The following CERS6 variants were observed in gnomAD, a reference collection of about 807,000 sequenced individuals.
The protein encoded by CERS6 is ceramide synthase 6, also known as LAG1 homolog, ceramide synthase 6.
A neutral mutation model predicts 56.8 loss-of-function variants in CERS6; 26 were observed. The ratio of observed to expected loss-of-function variants is 0.46; its 90% CI spans 0.34 to 0.63. The LOEUF (loss-of-function observed/expected upper bound fraction) is 0.63. Ranked by LOEUF, CERS6 falls within the 30% of genes least tolerant of loss-of-function variation. CERS6 has a pLI of 0.01. For missense variants in CERS6, 415 were observed against 467.5 expected, an observed-to-expected ratio of 0.89 and a Z score of 1.04; for synonymous variants, 164 against 173.3, an observed-to-expected ratio of 0.95 and a Z score of 0.42.
intron 3 of CERS6, among the ~76,000 whole-genome samples, chr2:168,605,582 G>A (rs961550034): frequency 2.0e-5 from 3 of 152,162 alleles, no homozygotes; most frequent in Non-Finnish European, 2.9e-5. Flanking sequence ...AGGCATTCAT[G>A]GCACCCCCTC....
intron 2 of CERS6, among the ~76,000 whole-genome samples, chr2:168,557,088 T>C (rs1310952961): frequency 6.6e-6 from 1 of 150,644 alleles, no homozygotes; most frequent in Non-Finnish European, 1.5e-5. Flanking sequence ...CACCTGAGCA[T>C]GGAGAGATCC....
At chr2:168,661,549 C>T (rs1685629220) in intron 4 of CERS6, among the ~76,000 whole-genome samples, 2 of 152,180 alleles carry the variant, frequency 1.3e-5, no homozygotes, top group African/African-American at 2.4e-5. Flanking sequence ...TTTATATTTC[C>T]TCCAGTGGTT....
chr2:168,523,081 G>A (rs1276499179), intron 1 of CERS6, among the ~76,000 whole-genome samples: 1 of 152,172 alleles, frequency 6.6e-6, no homozygotes, highest in Non-Finnish European at 1.5e-5. Flanking sequence ...TGATGATCTT[G>A]TATAACAGAA....
At chr2:168,504,825 G>C (rs1236487263) in intron 1 of CERS6, among the ~76,000 whole-genome samples, 1 of 152,150 alleles carries the variant, frequency 6.6e-6, no homozygotes, top group African/African-American at 2.4e-5. Flanking sequence ...ACCAGCCAAA[G>C]CTTCAGGATT....
At chr2:168,589,569 A>G (rs1427246228) in intron 3 of CERS6, among the ~76,000 whole-genome samples, 1 of 152,236 alleles carries the variant, frequency 6.6e-6, no homozygotes, top group Non-Finnish European at 1.5e-5. Flanking sequence ...ATGCCTTCTA[A>G]TTAATCTCTG....
intron 8 of CERS6, among the ~76,000 whole-genome samples, chr2:168,746,820 T>TAAAA (rs574474747): frequency 1.2e-5 from 1 of 80,048 alleles, no homozygotes; most frequent in African/African-American, 4.8e-5. Context: ...TATATATATA[T>TAAAA]AAAATCATCT....
chr2:168,463,746 A>G (rs1362779302), intron 1 of CERS6, among the ~76,000 whole-genome samples: 1 of 152,048 alleles, frequency 6.6e-6, no homozygotes, highest in Non-Finnish European at 1.5e-5. Flanking sequence ...CGTCTTTACA[A>G]AAAAATACAA....
intron 8 of CERS6, among the ~76,000 whole-genome samples, chr2:168,764,137 CTATTT>C (rs1684661363): frequency 6.6e-6 from 1 of 152,078 alleles, no homozygotes; most frequent in Admixed American, 6.6e-5. Context: ...TCATTGTTCT[CTATTT>C]TTTTTATTTT....
At chr2:168,688,177 A>AT (rs1686403380) in intron 4 of CERS6, among the ~76,000 whole-genome samples, 1 of 152,154 alleles carries the variant, frequency 6.6e-6, no homozygotes, top group Admixed American at 6.5e-5. Flanking sequence ...GTTTTAGTGT[A>AT]TTTTTAATCA....
chr2:168,508,364 A>G (rs957340988), intron 1 of CERS6, among the ~76,000 whole-genome samples: 2 of 152,196 alleles, frequency 1.3e-5, no homozygotes, highest in African/African-American at 2.4e-5. Flanking sequence ...AGGTTGGGTT[A>G]ATTGCATCCT....
At chr2:168,551,030 A>G (rs1695561810) in intron 2 of CERS6, among the ~76,000 whole-genome samples, 1 of 152,184 alleles carries the variant, frequency 6.6e-6, no homozygotes, top group South Asian at 2.1e-4. Flanking sequence ...AGCTCCTGGC[A>G]CATGCTCCTT....
At chr2:168,534,415 T>G (rs1208384396) in intron 1 of CERS6, among the ~76,000 whole-genome samples, 1 of 151,960 alleles carries the variant, frequency 6.6e-6, no homozygotes, top group Admixed American at 6.5e-5. Flanking sequence ...GGCTTTTTTT[T>G]TTTTTTAATT....
chr2:168,640,945 T>G (rs1356793564), intron 4 of CERS6, among the ~76,000 whole-genome samples: 1 of 152,128 alleles, frequency 6.6e-6, no homozygotes, highest in African/African-American at 2.4e-5. Flanking sequence ...CTTTCCATCT[T>G]CCTCCATATA....
At chr2:168,546,212 ATACT>A (rs1695463480) in intron 1 of CERS6, among the ~76,000 whole-genome samples, 1 of 152,226 alleles carries the variant, frequency 6.6e-6, no homozygotes, top group Non-Finnish European at 1.5e-5. Flanking sequence ...GGAAAAGGTT[ATACT>A]TACTGTCAAG....
intron 1 of CERS6, among the ~76,000 whole-genome samples, chr2:168,505,675 T>C (rs532494713): frequency 2.6e-5 from 4 of 152,238 alleles, no homozygotes; most frequent in African/African-American, 7.2e-5. Context: ...TGTTCAATTA[T>C]TAAAGATCAG....
chr2:168,644,039 T>TA (rs1685110879), intron 4 of CERS6: 1 of 953,912 alleles, frequency 1.0e-6, no homozygotes, highest in Admixed American at 6.2e-5. Context: ...TAAGAACTGA[T>TA]ATAGCATAAA....
At chr2:168,669,328 T>C (rs981060216) in intron 4 of CERS6, among the ~76,000 whole-genome samples, 1 of 152,236 alleles carries the variant, frequency 6.6e-6, no homozygotes, top group African/African-American at 2.4e-5. Context: ...AAGTCATCTC[T>C]TGTTAAACAG....
intron 1 of CERS6, among the ~76,000 whole-genome samples, chr2:168,484,010 C>T (rs1424430322): frequency 2.0e-5 from 3 of 152,056 alleles, no homozygotes; most frequent in African/African-American, 7.2e-5. Context: ...TAGAATATCT[C>T]TGTGTATTCA....
At chr2:168,540,436 C>T (rs1309196678) in intron 1 of CERS6, among the ~76,000 whole-genome samples, 2 of 152,158 alleles carry the variant, frequency 1.3e-5, no homozygotes, top group African/African-American at 4.8e-5. Context: ...GAGTCCTTTT[C>T]TATGTTTAGA....
Sources: gnomAD v4.1 joint callset for allele counts (sites outside exome capture counted in the v4.1 genomes callset) on GRCh38, gnomAD v4.1.1 for gene constraint, MANE v1.5 for transcripts, NCBI Gene and HGNC (gene_info 2026-07-23, HGNC 2026-07-21) for gene names.